RASEF: variants seen among roughly 807,000 people sequenced by gnomAD.
RASEF encodes RAS and EF-hand domain containing.
Under a neutral mutation model 90.1 loss-of-function variants are expected in RASEF, and 68 were observed. The observed-to-expected ratio is 0.75, with a 90% CI of 0.62 to 0.92. The LOEUF is 0.92. RASEF is among the 40% of genes least tolerant of loss of function. The pLI, the probability that RASEF is intolerant of heterozygous loss-of-function variation, is 0.00. For missense variants in RASEF, 949 were observed against 937.2 expected (o/e 1.01, Z -0.16); for synonymous variants, 331 against 345.2 (o/e 0.96, Z 0.46).
intron 1 of RASEF, chr9:83,048,876 C>G (rs990456864): frequency 3.3e-6 from 2 of 598,604 alleles, no homozygotes; most frequent in Non-Finnish European, 4.2e-6. Context: ...CGCCTGTCAT[C>G]CCAACACTTT....
chr9:83,049,054 G>A (rs1001326208), intron 1 of RASEF, among the ~76,000 whole-genome samples: 1 of 150,904 alleles, frequency 6.6e-6, no homozygotes, highest in Non-Finnish European at 1.5e-5. Context: ...AACCCGGGAG[G>A]CAAAGGTTGC....
chr9:83,121,782 A>C, the RASEF span, among the ~76,000 whole-genome samples: 2 of 152,010 alleles, frequency 1.3e-5, no homozygotes, highest in African/African-American at 4.8e-5. Flanking sequence ...GTCAAAAAGA[A>C]AAGACCTCAC....
chr9:83,148,513 T>G, the RASEF span, among the ~76,000 whole-genome samples: 2 of 152,230 alleles, frequency 1.3e-5, no homozygotes, highest in South Asian at 4.1e-4. Flanking sequence ...AACCACAGGA[T>G]GGGAGAGAGG....
chr9:82,993,741 CCA>C (rs1301952903), intron 14 of RASEF, among the ~76,000 whole-genome samples: 2 of 152,138 alleles, frequency 1.3e-5, no homozygotes, highest in African/African-American at 2.4e-5. Context: ...TCACAGGGTC[CCA>C]CAGTCACAGT....
chr9:83,184,054 A>G, the RASEF span, among the ~76,000 whole-genome samples: 1 of 152,234 alleles, frequency 6.6e-6, no homozygotes, highest in Admixed American at 6.5e-5. Flanking sequence ...CACTTGGAGA[A>G]CAGGAGTTGC....
intron 1 of RASEF, among the ~76,000 whole-genome samples, chr9:83,035,859 CGTT>C (rs1829732281): frequency 6.6e-6 from 1 of 152,144 alleles, no homozygotes; most frequent in Non-Finnish European, 1.5e-5. Context: ...AGTTTATGTT[CGTT>C]GTCCTGTATC....
chr9:83,144,442 A>AAAAAG, the RASEF span, among the ~76,000 whole-genome samples: 5 of 147,330 alleles, frequency 3.4e-5, no homozygotes, highest in South Asian at 1.1e-3. Flanking sequence ...AAGGAAAAGA[A>AAAAAG]AAAAGAAAAG....
At chr9:83,037,350 G>A (rs926280350) in intron 1 of RASEF, among the ~76,000 whole-genome samples, 1 of 152,052 alleles carries the variant, frequency 6.6e-6, no homozygotes, top group East Asian at 1.9e-4. Flanking sequence ...TCCAGCACTG[G>A]TTTGTTTTTT....
At position 83,011,483 on chromosome 9, in the gene RASEF, T is replaced by A. The variant is rs369690943; in HGVS notation, c.843+951A>T. Among the ~76,000 whole-genome samples, 3 of 129,042 alleles carry A rather than the reference T, an allele frequency of 2.3e-5. No homozygotes were observed. In the East Asian group the frequency reaches 6.9e-4, roughly 30 times the overall value. The allele number at this position is 129,042 out of a possible 152,430, so 84.7% of individuals were successfully genotyped here. On this transcript the variant is annotated intron_variant, in intron 5 of 16. Coordinates refer to ENST00000376447, the MANE Select transcript of RASEF (RefSeq NM_152573.4). ...AGGAGAATCACTTGAACCCAGGAGA[T>A]GGAGGTTGCAGTGAGCCAAGATCGT...
chr9:83,121,752 C>T, the RASEF span, among the ~76,000 whole-genome samples: 1 of 152,158 alleles, frequency 6.6e-6, no homozygotes, highest in African/African-American at 2.4e-5. Context: ...AACGATGACT[C>T]TATTAGAGCC....
At chr9:83,119,172 A>ATTTTTTTTT in the RASEF span, among the ~76,000 whole-genome samples, 1 of 119,414 alleles carries the variant, frequency 8.4e-6, no homozygotes, top group African/African-American at 3.2e-5. Context: ...CATGCGGGCT[A>ATTTTTTTTT]TTTTTTTTTT....
the RASEF span, among the ~76,000 whole-genome samples, chr9:83,166,610 A>T: frequency 6.6e-6 from 1 of 152,160 alleles, no homozygotes; most frequent in Non-Finnish European, 1.5e-5. Flanking sequence ...GACAGAATAC[A>T]TACAACCTCT....
In RASEF at chr9:82,983,009, C is replaced by CA. The variant is rs560420527; in HGVS notation, c.2118-228dup. Among the ~76,000 whole-genome samples, 264 of 151,684 alleles carry CA rather than the reference C, an allele frequency of 1.7e-3. 1 individual carries two copies. The highest frequency in any genetic ancestry group is 6.8e-3 in the Middle Eastern group (2 of 292). ...CATTTTGTATGTGAGGAAATGAGGG[C>CA]AAAAAGAGGTTAAGACAGTTCCCTT... On this transcript the variant is annotated intron_variant, in intron 16 of 16. Transcript: ENST00000376447.
At chr9:83,105,468 T>A in the RASEF span, among the ~76,000 whole-genome samples, 1 of 152,220 alleles carries the variant, frequency 6.6e-6, no homozygotes, top group African/African-American at 2.4e-5. Flanking sequence ...TGCCTGTCAC[T>A]CCCCAAGTTT....
chr9:83,081,393 G>T, the RASEF span, among the ~76,000 whole-genome samples: 1 of 152,132 alleles, frequency 6.6e-6, no homozygotes, highest in Non-Finnish European at 1.5e-5. Context: ...GAGTAGACAT[G>T]ACTCTGGTTT....
chr9:82,990,523 T>G (rs1419170679), intron 15 of RASEF, 56 bp from the exon 16 acceptor site: 15 of 1,307,802 alleles, frequency 1.1e-5, no homozygotes. Context: ...TTTCCTGAAA[T>G]TTTAGCTTTT....
At chr9:83,066,843 C>G (rs1445625061), upstream of RASEF, among the ~76,000 whole-genome samples, 2 of 152,146 alleles carry the variant, frequency 1.3e-5, no homozygotes, top group African/African-American at 4.8e-5. Flanking sequence ...ATGTATTTGA[C>G]TATGGTAACT....
At chr9:83,099,344 AT>A in the RASEF span, among the ~76,000 whole-genome samples, 2 of 152,210 alleles carry the variant, frequency 1.3e-5, no homozygotes. Flanking sequence ...AAAGCTTGGC[AT>A]TCAGAGAACA....
intron 1 of RASEF, among the ~76,000 whole-genome samples, chr9:83,059,485 T>A (rs149091050): frequency 6.6e-6 from 1 of 152,290 alleles, no homozygotes; most frequent in East Asian, 1.9e-4. Context: ...TGATTTATTC[T>A]ATTCATTTGG....
Sources: allele counts gnomAD v4.1 joint callset (sites outside exome capture counted in the v4.1 genomes callset), GRCh38; gene constraint gnomAD v4.1.1; transcripts MANE v1.5; gene names NCBI Gene and HGNC (gene_info 2026-07-23, HGNC 2026-07-21).